The following APP variants were observed in gnomAD, a reference collection of about 807,000 sequenced individuals.
APP encodes the protein amyloid-beta precursor protein.
APP carries 31 observed loss-of-function variants against 101.4 expected under a neutral mutation model. The observed-to-expected ratio is 0.31, with a 90% confidence interval of 0.23 to 0.41. APP has a LOEUF of 0.41. APP is among the 10% of genes least tolerant of loss of function. The pLI is 1.00. For synonymous variants in APP, 366 were observed against 364.4 expected (o/e 1.00, Z -0.05); for missense variants, 839 against 1,003.7 (o/e 0.84, Z 2.22).
chr21:25,932,809 A>C lies in APP; in HGVS notation c.1688-20847T>G, dbSNP rs112585354. 4.1e-3 allele frequency among the ~76,000 whole-genome samples: 629 copies of C among 151,882 alleles called. 6 individuals carry two copies. The highest frequency in any genetic ancestry group is 0.014 in the African/African-American group (595 of 41,426). On this transcript the variant is annotated intron_variant, in intron 13 of 17. Coordinates refer to ENST00000346798, the MANE Select transcript of APP (RefSeq NM_000484.4). ...TATTGACTTGGCCCCAAACATTTCTACTCTTTTCTTCTTACACAATCAGAT... is the reference window on the plus strand; with the variant it reads ...TATTGACTTGGCCCCAAACATTTCTCCTCTTTTCTTCTTACACAATCAGAT...
chr21:25,904,928 T>A lies in APP; in HGVS notation c.1963+96A>T, dbSNP rs45467193. The A allele has an allele frequency of 0.029, 31,473 of 1,082,470 alleles. 569 individuals are homozygous for A. Among genetic ancestry groups the A allele is most frequent in the Non-Finnish European group, 0.036 (25,802 of 715,308 alleles). The allele number at this position is 1,082,470 out of a possible 1,614,324, so 67.1% of individuals were successfully genotyped here. A position where few individuals can be genotyped will look rare whatever the true frequency, so the allele number is the denominator to read the frequency against. On this transcript the variant is annotated intron_variant, in intron 15 of 17. Transcript: ENST00000346798. ...ACTTCAAATTCTACTCTGCAGTAAG[T>A]ACAATTGAGAGAGGCTTAAAATGCA...
intron 1 of APP, among the ~76,000 whole-genome samples, chr21:26,160,080 A>G (rs138798395): frequency 3.3e-5 from 2 of 61,534 alleles, no homozygotes; most frequent in African/African-American, 1.4e-4. Context: ...TCCAACAGAC[A>G]GAGGTGGCTT....
intron 6 of APP, among the ~76,000 whole-genome samples, chr21:26,011,172 T>C (rs1167081750): frequency 6.6e-6 from 1 of 151,970 alleles, no homozygotes; most frequent in African/African-American, 2.4e-5. Flanking sequence ...ACCTCCCAGG[T>C]TCAAGTGATT....
intron 3 of APP, among the ~76,000 whole-genome samples, chr21:26,080,928 G>C (rs116556169): frequency 6.6e-6 from 1 of 151,950 alleles, no homozygotes; most frequent in East Asian, 1.9e-4. Context: ...GGCCTGCAGC[G>C]GACAGTATTT....
chr21:25,903,212 C>CA (rs1484310900), intron 15 of APP, among the ~76,000 whole-genome samples: 1 of 151,112 alleles, frequency 6.6e-6, no homozygotes, highest in South Asian at 2.1e-4. Context: ...ACTGAAAATA[C>CA]AAAAAAATTA....
intron 5 of APP, among the ~76,000 whole-genome samples, chr21:26,024,859 G>T (rs545115262): frequency 6.6e-6 from 1 of 152,318 alleles, no homozygotes; most frequent in Admixed American, 6.5e-5. Flanking sequence ...ATTAAGTGAA[G>T]ACATCCGAAG....
At chr21:26,092,849 AC>A (rs1568964853) in intron 2 of APP, among the ~76,000 whole-genome samples, 1 of 152,190 alleles carries the variant, frequency 6.6e-6, no homozygotes, top group African/African-American at 2.4e-5. Flanking sequence ...GCTCTAAAAA[AC>A]CGTCTATTTT....
intron 13 of APP, among the ~76,000 whole-genome samples, chr21:25,946,147 T>C (rs771102850): frequency 6.6e-6 from 1 of 152,232 alleles, no homozygotes; most frequent in Non-Finnish European, 1.5e-5. Context: ...GTATAAATCG[T>C]TGTAACCTTG....
intron 16 of APP, among the ~76,000 whole-genome samples, chr21:25,896,971 G>C (rs556724507): frequency 2.3e-4 from 35 of 152,300 alleles, no homozygotes; most frequent in African/African-American, 7.7e-4. Flanking sequence ...GCATGTGTTT[G>C]ATCCTTCAAA....
intron 1 of APP, among the ~76,000 whole-genome samples, chr21:26,156,066 G>A (rs1292577020): frequency 6.6e-6 from 1 of 150,648 alleles, no homozygotes; most frequent in Non-Finnish European, 1.5e-5. Context: ...ATTATCAACT[G>A]TAGGCCTTAA....
intron 6 of APP, among the ~76,000 whole-genome samples, chr21:26,016,109 C>A (rs545840973): frequency 6.6e-6 from 1 of 152,262 alleles, no homozygotes; most frequent in African/African-American, 2.4e-5. Context: ...CAGCTCACTG[C>A]AACCTCCGCA....
intron 1 of APP, among the ~76,000 whole-genome samples, chr21:26,146,453 A>G (rs2063156477): frequency 6.6e-6 from 1 of 152,254 alleles, no homozygotes; most frequent in African/African-American, 2.4e-5. Context: ...GATTGAGCAT[A>G]TCTTCATAGG....
In APP at chr21:25,954,547, A is replaced by G. The variant is rs781429247; in HGVS notation, c.1687+43T>C. 5 of 1,535,040 alleles carry G rather than the reference A, an allele frequency of 3.3e-6. No individual in the cohort carries two copies. The African/African-American group carries it at 6.8e-5, about 21-fold the overall frequency. On this transcript the variant is annotated intron_variant, in intron 13 of 17. Transcript: ENST00000346798. ...ACTTCCTCAATTTTCCTCTGGGGGA[A>G]AATACATGTCCATGTGCAGCATCAA...
chr21:25,894,006 C>G (rs898694017), intron 16 of APP, among the ~76,000 whole-genome samples: 1 of 152,170 alleles, frequency 6.6e-6, no homozygotes, highest in Non-Finnish European at 1.5e-5. Context: ...TGTAAAAGTC[C>G]TAGGGCGCTT....
At position 26,016,616 on chromosome 21, in the gene APP, G is replaced by A. The variant is rs545725009; in HGVS notation, c.865+5224C>T. Among the ~76,000 whole-genome samples, 120 of 152,168 alleles carry A rather than the reference G, an allele frequency of 7.9e-4. 2 individuals carry two copies. The highest frequency in any genetic ancestry group is 2.8e-3 in the African/African-American group (116 of 41,516). ...AGACGAAGTTTCGCTCTGTTGCCCAGGCTGGAGTGCAGTGGCACAATCTCA... is the reference window on the plus strand; with the variant it reads ...AGACGAAGTTTCGCTCTGTTGCCCAAGCTGGAGTGCAGTGGCACAATCTCA... On this transcript the variant is annotated intron_variant, in intron 6 of 17. Coordinates refer to ENST00000346798, the MANE Select transcript of APP (RefSeq NM_000484.4).
chr21:26,163,866 T>A (rs1157272374), intron 1 of APP, among the ~76,000 whole-genome samples: 1 of 152,060 alleles, frequency 6.6e-6, no homozygotes, highest in Admixed American at 6.5e-5. Context: ...TGCTGATTTT[T>A]AAAAAAAATA....
intron 13 of APP, among the ~76,000 whole-genome samples, chr21:25,931,384 G>C (rs1450459421): frequency 6.6e-6 from 1 of 152,190 alleles, no homozygotes; most frequent in Admixed American, 6.5e-5. Context: ...GCTTAGCCAA[G>C]AGGCTTTCAG....
intron 13 of APP, among the ~76,000 whole-genome samples, chr21:25,924,796 C>G (rs899971515): frequency 1.3e-5 from 2 of 151,280 alleles, no homozygotes; most frequent in Non-Finnish European, 2.9e-5. Flanking sequence ...AAAAAAAAAG[C>G]TCTGATTTGG....
rs1014169720 is a variant in APP at position 25,935,607 on chromosome 21, C to T, written c.1687+18983G>A. ...CTGTAATCCCAACACTTTGCGAGGCCGAGGCGAGTGGATTACAAGGTCAGG... is the reference window on the plus strand; with the variant it reads ...CTGTAATCCCAACACTTTGCGAGGCTGAGGCGAGTGGATTACAAGGTCAGG... On this transcript the variant is annotated intron_variant, in intron 13 of 17. Transcript: ENST00000346798. 1.8e-4 allele frequency among the ~76,000 whole-genome samples: 28 copies of T among 152,000 alleles called. 1 individual carries two copies. The highest frequency in any genetic ancestry group is 8.5e-4 in the Admixed American group (13 of 15,262).
Sources: gnomAD v4.1 joint callset for allele counts (sites outside exome capture counted in the v4.1 genomes callset) on GRCh38, gnomAD v4.1.1 for gene constraint, MANE v1.5 for transcripts, NCBI Gene and HGNC (gene_info 2026-07-23, HGNC 2026-07-21) for gene names.